The following TMEM132B variants were observed in gnomAD, a reference collection of about 807,000 sequenced individuals.
TMEM132B encodes the protein transmembrane protein 132B.
In TMEM132B, 18 loss-of-function variants were observed where a neutral mutation model predicts 90.8. The observed-to-expected ratio is 0.20, with a 90% CI of 0.14 to 0.29. The LOEUF (loss-of-function observed/expected upper bound fraction) is 0.29, where lower values mean the gene tolerates loss of function less well. TMEM132B is among the 10% of genes least tolerant of loss of function. TMEM132B has a pLI of 1.00. For missense variants in TMEM132B, 1,096 were observed against 1,326.8 expected, an observed-to-expected ratio of 0.83 and a Z score of 2.70; for synonymous variants, 504 against 523.3, an observed-to-expected ratio of 0.96 and a Z score of 0.50.
chr12:125,596,508 TCTTAGCTCTTA>T (rs1195529888), intron 5 of TMEM132B, among the ~76,000 whole-genome samples: 2 of 152,192 alleles, frequency 1.3e-5, no homozygotes, highest in African/African-American at 4.8e-5. Context: ...GAGAGAAAAA[TCTTAGCTCTTA>T]AATCACTTTG....
chr12:125,613,141 A>T lies in TMEM132B; in HGVS notation c.1437+29147A>T, dbSNP rs1231098662. On this transcript the variant is annotated intron_variant, in intron 5 of 8. Coordinates refer to ENST00000682704, the MANE Select transcript of TMEM132B (RefSeq NM_001366854.1). Reference sequence around the variant, plus strand: ...TATCATATATATTTATATATTATATATAAATATATATCATATATATTTATA... The same window carrying T: ...TATCATATATATTTATATATTATATTTAAATATATATCATATATATTTATA... Among the ~76,000 whole-genome samples, 70 of 117,090 alleles carry T rather than the reference A, an allele frequency of 6.0e-4. 5 individuals carry two copies. Among genetic ancestry groups the T allele is most frequent in the Non-Finnish European group, 1.0e-3 (63 of 60,728 alleles). 76.8% of individuals were successfully genotyped at this position (117,090 alleles called of 152,430 possible).
At chr12:125,253,018 C>T (rs765977278) in intron 1 of TMEM132B, among the ~76,000 whole-genome samples, 16 of 152,240 alleles carry the variant, frequency 1.1e-4, no homozygotes, top group Non-Finnish European at 1.9e-4. Context: ...CCCGTGGAGC[C>T]GGGAGGGAAT....
chr12:125,512,912 C>T (rs547140054), intron 3 of TMEM132B, among the ~76,000 whole-genome samples: 72 of 152,328 alleles, frequency 4.7e-4, no homozygotes, highest in African/African-American at 1.6e-3. Flanking sequence ...TGAAGGGATC[C>T]GTGAGCAGGA....
intron 3 of TMEM132B, among the ~76,000 whole-genome samples, chr12:125,486,921 C>T (rs1385899209): frequency 1.3e-5 from 2 of 152,128 alleles, no homozygotes. Flanking sequence ...GTCTGAAGAC[C>T]TCAAGGAATG....
At chr12:125,555,068 G>T (rs1422866487) in intron 4 of TMEM132B, among the ~76,000 whole-genome samples, 1 of 152,164 alleles carries the variant, frequency 6.6e-6, no homozygotes, top group Non-Finnish European at 1.5e-5. Context: ...CGCTCATCAT[G>T]ATGTGCATCT....
chr12:125,432,059 G>A (rs1436024825), intron 3 of TMEM132B, among the ~76,000 whole-genome samples: 1 of 73,946 alleles, frequency 1.4e-5, no homozygotes, highest in East Asian at 4.0e-4. Flanking sequence ...ATGGATCATG[G>A]GGTGCTCTGC....
chr12:125,213,715 G>A lies in TMEM132B; in HGVS notation c.67+26849G>A, dbSNP rs752786935. Among the ~76,000 whole-genome samples the A allele has an allele frequency of 3.9e-5, 6 of 152,152 alleles. No individual in the cohort carries two copies. Among genetic ancestry groups the A allele is most frequent in the African/African-American group, 1.2e-4 (5 of 41,426 alleles). On this transcript the variant is annotated intron_variant, in intron 1 of 8. Transcript: ENST00000682704. This position sits in a 1 kb window ranked among gnomAD's most constrained non-coding sequence, Gnocchi z 4.2. ...AGGGTTTACCTGTACATGATCTAGC[G>A]TCCCTTGCTCTAGATAGAGTGTGAT...
In TMEM132B at chr12:125,567,197, T is replaced by C. The variant is rs542311602; in HGVS notation, c.1294-16654T>C. Among the ~76,000 whole-genome samples, 3 of 152,312 alleles carry C rather than the reference T, an allele frequency of 2.0e-5. No homozygotes were observed. The South Asian group carries it at 6.2e-4, about 32-fold the overall frequency. ...TTTCACTTGGCTGACTTGCTAGTTC[T>C]CATTGTTTGTCTCCCTCCATTTGTC... On this transcript the variant is annotated intron_variant, in intron 4 of 8. Transcript: ENST00000682704.
chr12:125,418,020 C>T (rs1880065770), intron 3 of TMEM132B, among the ~76,000 whole-genome samples: 2 of 152,258 alleles, frequency 1.3e-5, no homozygotes, highest in South Asian at 4.2e-4. Flanking sequence ...ACCCCAGTTA[C>T]CTTAGTCTCA....
chr12:125,477,613 A>G (rs1341055538), intron 3 of TMEM132B, among the ~76,000 whole-genome samples: 2 of 152,042 alleles, frequency 1.3e-5, no homozygotes, highest in East Asian at 3.9e-4. Context: ...GTTAATATTG[A>G]TCAACTTTTG....
chr12:125,212,508 C>T (rs961992826), intron 1 of TMEM132B, among the ~76,000 whole-genome samples: 7 of 152,008 alleles, frequency 4.6e-5, no homozygotes, highest in Non-Finnish European at 7.4e-5. Flanking sequence ...GCCTGGCCAG[C>T]GTGGTGAAAC....
chr12:125,487,020 T>TAGGAA (rs947386398), intron 3 of TMEM132B, among the ~76,000 whole-genome samples: 2 of 152,188 alleles, frequency 1.3e-5, no homozygotes, highest in African/African-American at 4.8e-5. Flanking sequence ...GAACCTGAAA[T>TAGGAA]CTGCTACCTT....
chr12:125,536,823 C>T (rs1648552547), intron 4 of TMEM132B, among the ~76,000 whole-genome samples: 1 of 151,154 alleles, frequency 6.6e-6, no homozygotes, highest in African/African-American at 2.4e-5. Flanking sequence ...GGCTTTGCAG[C>T]TGTCATTAGG....
chr12:125,562,097 A>G (rs1458899766), intron 4 of TMEM132B, among the ~76,000 whole-genome samples: 1 of 152,240 alleles, frequency 6.6e-6, no homozygotes, highest in Non-Finnish European at 1.5e-5. Context: ...ATAACTTGCT[A>G]CAGCTTCTCC....
intron 3 of TMEM132B, among the ~76,000 whole-genome samples, chr12:125,494,354 G>C (rs1469270693): frequency 9.1e-4 from 27 of 29,550 alleles, no homozygotes; most frequent in Non-Finnish European, 1.4e-3. Context: ...GCGTCCCTCC[G>C]CCCCCTCCTC....
chr12:125,474,009 CCTTTCCTTCCTTCCTT>C lies in TMEM132B; in HGVS notation c.1107-45412_1107-45397del, dbSNP rs1435530658. On this transcript the variant is annotated intron_variant, in intron 3 of 8. Coordinates refer to ENST00000682704, the MANE Select transcript of TMEM132B (RefSeq NM_001366854.1). ...TAAACTAATTCCAAGATTGAGCTCA[CCTTTCCTTCCTTCCTT>C]CTTTCCTTCCTTCCTTCCTTCCTTC... Among the ~76,000 whole-genome samples the C allele has an allele frequency of 2.0e-5, 3 of 146,916 alleles. 1 individual carries two copies.
intron 5 of TMEM132B, chr12:125,587,680 G>A (rs1885212214): frequency 6.6e-6 from 1 of 152,072 alleles, no homozygotes; most frequent in Non-Finnish European, 1.5e-5. Flanking sequence ...GTCATTTCTG[G>A]TCACACTTGT....
intron 3 of TMEM132B, among the ~76,000 whole-genome samples, chr12:125,467,437 C>G (rs1881594196): frequency 6.6e-6 from 1 of 152,054 alleles, no homozygotes; most frequent in South Asian, 2.1e-4. Flanking sequence ...TCTCCTCCCC[C>G]ACCCTCTTCT....
At chr12:125,543,075 G>A (rs974421851) in intron 4 of TMEM132B, among the ~76,000 whole-genome samples, 3 of 152,176 alleles carry the variant, frequency 2.0e-5, no homozygotes, top group Admixed American at 2.0e-4. Flanking sequence ...TAACAGTCCA[G>A]GGATACTTGG....
Sources: gnomAD v4.1 joint callset for allele counts (sites outside exome capture counted in the v4.1 genomes callset) on GRCh38, gnomAD v4.1.1 for gene constraint, Gnocchi (gnomAD v3.1) non-coding constraint, MANE v1.5 for transcripts, NCBI Gene and HGNC (gene_info 2026-07-23, HGNC 2026-07-21) for gene names.